The following DIAPH2 variants were observed in gnomAD, a reference collection of about 807,000 sequenced individuals.
DIAPH2 encodes the protein protein diaphanous homolog 2.
A neutral mutation model predicts 92.7 loss-of-function variants in DIAPH2; 35 were observed. The observed-to-expected ratio is 0.38, with a 90% CI of 0.29 to 0.50. DIAPH2 has a LOEUF of 0.50. Ranked by LOEUF, DIAPH2 falls within the 20% of genes least tolerant of loss-of-function variation. DIAPH2 has a pLI of 0.94. For synonymous variants in DIAPH2, 301 were observed against 280.4 expected (o/e 1.07, Z -0.73); for missense variants, 701 against 819.5 (o/e 0.86, Z 1.77).
intron 1 of DIAPH2, among the ~76,000 whole-genome samples, chrX:96,722,100 A>C (rs771721293): frequency 8.9e-6 from 1 of 112,008 alleles, no homozygotes; most frequent in Non-Finnish European, 1.9e-5. Flanking sequence ...TCATGCCTGT[A>C]ATCCCAGCAC....
At position 97,333,082 on chromosome X, in the gene DIAPH2, A is replaced by G. The variant is rs142631551; in HGVS notation, c.2845-15034A>G. On this transcript the variant is annotated intron_variant, in intron 23 of 26. Coordinates refer to ENST00000324765, the MANE Select transcript of DIAPH2 (RefSeq NM_006729.5). ...TAGTTAGATATTTCCAGAATATCCT[A>G]TATTTGGGGGGAGTATATCAAGGCC... Among the ~76,000 whole-genome samples, 23 of 111,867 alleles carry G rather than the reference A, an allele frequency of 2.1e-4. No individual in the cohort carries two copies. The East Asian group carries it at 5.9e-3, about 29-fold the overall frequency.
intron 22 of DIAPH2, among the ~76,000 whole-genome samples, chrX:97,144,245 C>G (rs2067227651): frequency 9.0e-6 from 1 of 110,897 alleles, no homozygotes; most frequent in African/African-American, 3.3e-5. Flanking sequence ...CAAGAGCATT[C>G]CTCGAGCCCA....
chrX:97,555,629 AAGAT>A (rs1156700651), intron 26 of DIAPH2, among the ~76,000 whole-genome samples: 1 of 111,913 alleles, frequency 8.9e-6, no homozygotes, highest in East Asian at 2.8e-4. Context: ...TATGGGAAAA[AAGAT>A]AGTAAGGTAG....
intron 17 of DIAPH2, among the ~76,000 whole-genome samples, chrX:96,988,233 T>C (rs2066045502): frequency 9.1e-6 from 1 of 110,276 alleles, no homozygotes; most frequent in Admixed American, 9.8e-5. Flanking sequence ...GTAATTATAT[T>C]ACTGTGAGTT....
chrX:96,954,872 CAG>C (rs1254063653), intron 15 of DIAPH2, among the ~76,000 whole-genome samples: 1 of 112,453 alleles, frequency 8.9e-6, no homozygotes, highest in Non-Finnish European at 1.9e-5. Flanking sequence ...AGCCATGAAA[CAG>C]ACTCTTTGTA....
rs768091197 is a variant in DIAPH2, at chrX:97,247,618, A to T, written c.2720-97A>T. 7 of 832,180 alleles carry T rather than the reference A, an allele frequency of 8.4e-6. No homozygotes were observed. In the East Asian group the frequency reaches 2.0e-4, roughly 24 times the overall value. 68.6% of individuals were successfully genotyped at this position (832,180 alleles called of 1,213,427 possible). ...TTGACTTCATGGAACTATTTCCCAC[A>T]TTTAAAAAAAAAGACTTTAACTGAT... is the stretch of plus-strand genomic sequence containing the variant. On this transcript the variant is annotated intron_variant, in intron 22 of 26. Transcript: ENST00000324765.
At chrX:97,352,870 C>CAAAAAAA (rs1176922373) in intron 24 of DIAPH2, among the ~76,000 whole-genome samples, 1 of 27,086 alleles carries the variant, frequency 3.7e-5, no homozygotes, top group African/African-American at 1.3e-4. Context: ...AATCTGTCTC[C>CAAAAAAA]AAAAAAAAAA....
chrX:96,697,054 T>G (rs1311313132), intron 1 of DIAPH2, among the ~76,000 whole-genome samples: 1 of 110,141 alleles, frequency 9.1e-6, no homozygotes, highest in Admixed American at 9.7e-5. Flanking sequence ...TTTGCTACTT[T>G]TATAGCATTA....
At chrX:96,971,452 GTGTA>G (rs1432809442) in intron 17 of DIAPH2, among the ~76,000 whole-genome samples, 2 of 110,940 alleles carry the variant, frequency 1.8e-5, no homozygotes, top group Non-Finnish European at 3.8e-5. Flanking sequence ...GTGGGTGTGG[GTGTA>G]TGTGTGTGTG....
At chrX:97,008,503 T>G (rs150371623) in intron 17 of DIAPH2, among the ~76,000 whole-genome samples, 10,879 of 111,308 alleles carry the variant, frequency 0.098, 619 homozygotes, top group African/African-American at 0.21. Context: ...GGGTGTTGAT[T>G]AATTAAATAT....
chrX:97,343,918 C>T (rs1045689312), intron 23 of DIAPH2, among the ~76,000 whole-genome samples: 2 of 111,267 alleles, frequency 1.8e-5, no homozygotes, highest in African/African-American at 6.5e-5. Flanking sequence ...GATATCATGC[C>T]ATGGACTATT....
chrX:97,454,660 C>T (rs750451927), intron 26 of DIAPH2, among the ~76,000 whole-genome samples: 2 of 110,577 alleles, frequency 1.8e-5, no homozygotes, highest in South Asian at 7.8e-4. Flanking sequence ...TCGAGACTAT[C>T]CTGGCCAACA....
chrX:97,455,290 A>G (rs759385987), intron 26 of DIAPH2, among the ~76,000 whole-genome samples: 218 of 112,159 alleles, frequency 1.9e-3, no homozygotes, highest in African/African-American at 6.8e-3. Context: ...TTCCTGTTCT[A>G]AGTGTCCATA....
chrX:96,718,358 T>TTTTTTTTTTTTTTTTTTTTG lies in DIAPH2; in HGVS notation c.133-17384_133-17383insTTTGTTTTTTTTTTTTTTTT, dbSNP rs1569373822. ...TTTGTTTTTTTTTTTTTTTTTTTTT[T>TTTTTTTTTTTTTTTTTTTTG]TTTTTTTTTTTTTTTTATGGTGTCT... On this transcript the variant is annotated intron_variant, in intron 1 of 26. Transcript: ENST00000324765. Among the ~76,000 whole-genome samples, 6 of 69,416 alleles carry TTTTTTTTTTTTTTTTTTTTG rather than the reference T, an allele frequency of 8.6e-5. 1 individual carries two copies. Among genetic ancestry groups the TTTTTTTTTTTTTTTTTTTTG allele is most frequent in the Non-Finnish European group, 1.4e-4 (5 of 36,005 alleles). The allele number at this position is 69,416 out of a possible 115,157, so 60.3% of individuals were successfully genotyped here. A position where few individuals can be genotyped will look rare whatever the true frequency, so the allele number is the denominator to read the frequency against.
intron 24 of DIAPH2, among the ~76,000 whole-genome samples, chrX:97,361,133 C>T (rs1265200609): frequency 9.3e-6 from 1 of 107,115 alleles, no homozygotes; most frequent in Non-Finnish European, 1.9e-5. Context: ...CTCAAGCAGT[C>T]TTCCTGCCTC....
At chrX:97,267,121 G>A (rs2068343896) in intron 23 of DIAPH2, among the ~76,000 whole-genome samples, 1 of 111,577 alleles carries the variant, frequency 9.0e-6, no homozygotes, top group African/African-American at 3.3e-5. Context: ...TCTTACACAG[G>A]ATGCTGCCAC....
At chrX:97,363,361 A>G (rs1376426576) in intron 24 of DIAPH2, among the ~76,000 whole-genome samples, 4 of 111,211 alleles carry the variant, frequency 3.6e-5, no homozygotes, top group Non-Finnish European at 7.5e-5. Context: ...TTTTGCTATT[A>G]AAAACGCCAA....
chrX:96,901,848 G>C (rs900435282), intron 5 of DIAPH2, among the ~76,000 whole-genome samples: 6 of 110,579 alleles, frequency 5.4e-5, no homozygotes, highest in African/African-American at 2.0e-4. Flanking sequence ...GTTTGTTCTT[G>C]TTTCTCTAGT....
intron 3 of DIAPH2, among the ~76,000 whole-genome samples, chrX:96,749,728 G>A (rs1034322794): frequency 1.8e-5 from 2 of 111,666 alleles, no homozygotes; most frequent in African/African-American, 6.5e-5. Context: ...TCTTCAACAA[G>A]TGCCATTGGG....
Sources: allele counts gnomAD v4.1 joint callset (sites outside exome capture counted in the v4.1 genomes callset), GRCh38; gene constraint gnomAD v4.1.1; transcripts MANE v1.5; gene names NCBI Gene and HGNC (gene_info 2026-07-23, HGNC 2026-07-21).